The following GRAMD2B variants were observed in gnomAD, a reference collection of about 807,000 sequenced individuals.
The protein encoded by GRAMD2B is GRAM domain containing 2B.
Under a neutral mutation model 59.2 loss-of-function variants are expected in GRAMD2B, and 41 were observed. The observed-to-expected ratio is 0.69, with a 90% CI of 0.54 to 0.90. GRAMD2B has a LOEUF of 0.90. Ranked by LOEUF, GRAMD2B falls within the 40% of genes least tolerant of loss-of-function variation. GRAMD2B has a pLI of 0.00. For missense variants in GRAMD2B, 424 were observed against 500.5 expected (o/e 0.85, Z 1.46); for synonymous variants, 161 against 182.7 (o/e 0.88, Z 0.96).
chr5:126,456,145 T>C (rs1766235107), intron 1 of GRAMD2B, among the ~76,000 whole-genome samples: 1 of 152,200 alleles, frequency 6.6e-6, no homozygotes, highest in East Asian at 1.9e-4. Flanking sequence ...AATAATATAA[T>C]TCATTAAAAT....
chr5:126,400,428 GCTGT>G (rs1757722939), intron 1 of GRAMD2B, among the ~76,000 whole-genome samples: 1 of 151,844 alleles, frequency 6.6e-6, no homozygotes, highest in African/African-American at 2.4e-5. Context: ...AATTATTATA[GCTGT>G]AGTTATTTTT....
chr5:126,364,255 CAAACAGAAAGAGTCTGCATTTTTT>C (rs1561450624), intron 1 of GRAMD2B, among the ~76,000 whole-genome samples: 1 of 152,086 alleles, frequency 6.6e-6, no homozygotes, highest in East Asian at 1.9e-4. Flanking sequence ...AGTAAGAATA[CAAACAGAAAGAGTCTGCATTTTTT>C]AAACAAAGTA....
intron 1 of GRAMD2B, among the ~76,000 whole-genome samples, chr5:126,427,145 G>A (rs1425119149): frequency 6.6e-6 from 1 of 152,122 alleles, no homozygotes; most frequent in African/African-American, 2.4e-5. Context: ...AAGTTCTGGG[G>A]TACCTGTGCA....
intron 5 of GRAMD2B, among the ~76,000 whole-genome samples, chr5:126,474,583 T>TA (rs1333322967): frequency 6.6e-6 from 1 of 152,194 alleles, no homozygotes; most frequent in Non-Finnish European, 1.5e-5. Context: ...GATTGGGTAG[T>TA]ACTGATCAAT....
chr5:126,411,659 T>C (rs1421305502), intron 1 of GRAMD2B, among the ~76,000 whole-genome samples: 1 of 152,116 alleles, frequency 6.6e-6, no homozygotes, highest in Admixed American at 6.6e-5. Context: ...GATAGCTTGA[T>C]AGGAATAGCA....
intron 3 of GRAMD2B, among the ~76,000 whole-genome samples, chr5:126,470,347 C>T (rs1769312035): frequency 6.6e-6 from 1 of 152,144 alleles, no homozygotes; most frequent in Non-Finnish European, 1.5e-5. Flanking sequence ...TTCTTCACCC[C>T]TCTAAATACT....
chr5:126,394,863 T>G (rs1038094310), intron 1 of GRAMD2B, among the ~76,000 whole-genome samples: 2 of 152,234 alleles, frequency 1.3e-5, no homozygotes, highest in Non-Finnish European at 2.9e-5. Flanking sequence ...ATATGTTTTT[T>G]TTCTGTCCAA....
At chr5:126,429,778 C>T (rs762509549) in intron 1 of GRAMD2B, among the ~76,000 whole-genome samples, 1 of 152,198 alleles carries the variant, frequency 6.6e-6, no homozygotes, top group Non-Finnish European at 1.5e-5. Context: ...CTTGTGACAG[C>T]ACCTGAGCAT....
rs547331345 is a variant in GRAMD2B, at chr5:126,434,531, T to G, written c.83+10842T>G. ...TTTTTTTTATTTTTATTTTTATTTT[T>G]TTTTGAGATGGAGTCTTACTCTGTC... On this transcript the variant is annotated intron_variant, in intron 1 of 13. Coordinates refer to ENST00000285689, the MANE Select transcript of GRAMD2B (RefSeq NM_023927.4). Among the ~76,000 whole-genome samples the G allele has an allele frequency of 1.5e-3, 220 of 151,458 alleles. 1 individual carries two copies. The highest frequency in any genetic ancestry group is 5.1e-3 in the African/African-American group (208 of 40,818).
At chr5:126,374,104 C>T (rs1008806555) in intron 1 of GRAMD2B, among the ~76,000 whole-genome samples, 1 of 152,156 alleles carries the variant, frequency 6.6e-6, no homozygotes, top group African/African-American at 2.4e-5. Context: ...AAGGCACATA[C>T]CTAGAGGAAA....
upstream of GRAMD2B, among the ~76,000 whole-genome samples, chr5:126,421,143 A>T (rs1014450331): frequency 1.3e-5 from 2 of 152,148 alleles, no homozygotes; most frequent in African/African-American, 4.8e-5. Flanking sequence ...CAAGGATGAT[A>T]AAAAAAAGTT....
At position 126,466,850 on chromosome 5, in the gene GRAMD2B, C is replaced by G. The variant is rs187963515; in HGVS notation, c.203+1305C>G. 9.8e-5 allele frequency among the ~76,000 whole-genome samples: 15 copies of G among 152,348 alleles called. No individual in the cohort carries two copies. The East Asian group carries it at 2.9e-3, about 29-fold the overall frequency. On this transcript the variant is annotated intron_variant, in intron 2 of 13. Coordinates refer to ENST00000285689, the MANE Select transcript of GRAMD2B (RefSeq NM_023927.4). ...CACCTTAAAAACACTGTTGGTTTTA[C>G]TCCAACTTCCCCAGGCTTCCGTAAT...
rs1432211325 is a variant in GRAMD2B, at chr5:126,481,223, G to A, written c.735+516G>A. On this transcript the variant is annotated intron_variant, in intron 8 of 13. Transcript: ENST00000285689. ...AAAAAAAAAGAAAGAAAGAAAGAAAGAAAGAAAGAAAGAAAGAAAGAAAGA... is the reference window on the plus strand; with the variant it reads ...AAAAAAAAAGAAAGAAAGAAAGAAAAAAAGAAAGAAAGAAAGAAAGAAAGA... Among the ~76,000 whole-genome samples, 86 of 89,070 alleles carry A rather than the reference G, an allele frequency of 9.7e-4. 3 individuals are homozygous for A. Among genetic ancestry groups the A allele is most frequent in the South Asian group, 4.8e-3 (14 of 2,902 alleles). The allele number at this position is 89,070 out of a possible 152,430, so 58.4% of individuals were successfully genotyped here.
At position 126,493,473 on chromosome 5, in the gene GRAMD2B, T is replaced by A. The variant is rs1374241134; in HGVS notation, c.*517T>A. 2 of 152,770 alleles carry A rather than the reference T, an allele frequency of 1.3e-5. No individual in the cohort carries two copies. The highest frequency in any genetic ancestry group is 2.9e-5 in the Non-Finnish European group (2 of 68,188). The allele number at this position is 152,770 out of a possible 1,614,324, so 9.5% of individuals were successfully genotyped here. On this transcript the variant is annotated 3_prime_UTR_variant, in exon 14 of 14. Coordinates refer to ENST00000285689, the MANE Select transcript of GRAMD2B (RefSeq NM_023927.4). ...CTTCAAACAAGTAACATCTACATTT[T>A]GTCTTTTTTTTTTCAGTTCTCCTGT... is the stretch of plus-strand genomic sequence containing the variant.
At chr5:126,410,131 C>A (rs1758650026) in intron 1 of GRAMD2B, among the ~76,000 whole-genome samples, 1 of 152,060 alleles carries the variant, frequency 6.6e-6, no homozygotes, top group Non-Finnish European at 1.5e-5. Flanking sequence ...ATGATGCCTC[C>A]AGCTTTGTTC....
At chr5:126,467,564 C>T (rs990702155) in intron 2 of GRAMD2B, 3 of 152,060 alleles carry the variant, frequency 2.0e-5, no homozygotes, top group Non-Finnish European at 2.9e-5. Flanking sequence ...TTCAAAAGGT[C>T]GGATCATTTC....
chr5:126,457,485 ACCAGG>A (rs1766532312), intron 1 of GRAMD2B, among the ~76,000 whole-genome samples: 1 of 151,758 alleles, frequency 6.6e-6, no homozygotes, highest in Admixed American at 6.6e-5. Context: ...ACAAAAATTA[ACCAGG>A]CATGGTGACA....
chr5:126,371,520 G>C (rs999814270), exon 1 of GRAMD2B: 2 of 1,289,116 alleles, frequency 1.6e-6, no homozygotes, highest in African/African-American at 3.0e-5. Context: ...AGGCCAACGT[G>C]GAGGCCTCAC....
chr5:126,440,825 A>AATATAATAG, intron 1 of GRAMD2B, among the ~76,000 whole-genome samples: 1 of 152,212 alleles, frequency 6.6e-6, no homozygotes, highest in Admixed American at 6.5e-5. Flanking sequence ...CTACACATTA[A>AATATAATAG]CACAATGGTA....
Sources: allele counts gnomAD v4.1 joint callset (sites outside exome capture counted in the v4.1 genomes callset), GRCh38; gene constraint gnomAD v4.1.1; transcripts MANE v1.5; gene names NCBI Gene and HGNC (gene_info 2026-07-23, HGNC 2026-07-21).